The following C3orf70 variants were observed in gnomAD, a reference collection of about 807,000 sequenced individuals.
C3orf70 encodes chromosome 3 open reading frame 70.
Under a neutral mutation model 20.7 loss-of-function variants are expected in C3orf70, and 15 were observed. The observed-to-expected ratio is 0.72, with a 90% CI of 0.48 to 1.11. The LOEUF is 1.11. Among genes scored for constraint, C3orf70 ranks in the 50% most tolerant of loss-of-function variants. The pLI is 0.00. For missense variants in C3orf70, 332 were observed against 317.6 expected (o/e 1.05, Z -0.34); for synonymous variants, 161 against 125.7 (o/e 1.28, Z -1.88).
At chr3:185,123,353 T>C (rs1055619233) in intron 1 of C3orf70, among the ~76,000 whole-genome samples, 3 of 152,076 alleles carry the variant, frequency 2.0e-5, no homozygotes, top group East Asian at 1.9e-4. Context: ...AGGACATATG[T>C]AGTGGTGACC....
At chr3:185,112,655 GTTA>G (rs1716097599) in intron 1 of C3orf70, among the ~76,000 whole-genome samples, 1 of 152,110 alleles carries the variant, frequency 6.6e-6, no homozygotes, top group Admixed American at 6.5e-5. Context: ...AGGTATATAA[GTTA>G]TTTTTGTACT....
At chr3:185,091,951 ATATATATATATATTT>A (rs1561330986) in intron 1 of C3orf70, among the ~76,000 whole-genome samples, 368 of 9,456 alleles carry the variant, frequency 0.039, 19 homozygotes, top group East Asian at 0.13. Context: ...ATATATATAT[ATATATATATATATTT>A]TTTTTTTTTT....
intron 1 of C3orf70, among the ~76,000 whole-genome samples, chr3:185,112,456 AC>A (rs1444269460): frequency 6.6e-6 from 1 of 152,154 alleles, no homozygotes; most frequent in Non-Finnish European, 1.5e-5. Context: ...TAGACTTGAA[AC>A]ACTCTGCTTC....
chr3:185,152,813 G>T lies in C3orf70; in HGVS notation c.11C>A (p.Ala4Glu), dbSNP rs773680052. 3.2e-6 allele frequency: 5 copies of T among 1,559,588 alleles called. No homozygotes were observed. Among genetic ancestry groups the T allele is most frequent in the Admixed American group, 3.6e-5 (2 of 55,068 alleles). MSA[A>E]ASPASERGWK... The stretch of plus-strand genomic sequence containing the variant: ...ACCCCGCTCCGACGCCGGCGAGGCC[G>T]CCGCACTCATTTCCTCTCCCTCCGC... Residue 4 changes from alanine to glutamate, a missense_variant, in exon 1 of 2, where the codon GCG (alanine) becomes GAG (glutamate). Ala to Glu is a moderately radical substitution (Grantham distance 107). Coordinates refer to ENST00000335012, the MANE Select transcript of C3orf70 (RefSeq NM_001025266.3).
intron 1 of C3orf70, among the ~76,000 whole-genome samples, chr3:185,144,625 C>T (rs1203780187): frequency 1.3e-5 from 2 of 152,314 alleles, no homozygotes; most frequent in South Asian, 2.1e-4. Flanking sequence ...GCATGTACCA[C>T]CATGCCCAGC....
At chr3:185,147,984 T>C (rs1716910313) in intron 1 of C3orf70, among the ~76,000 whole-genome samples, 1 of 152,228 alleles carries the variant, frequency 6.6e-6, no homozygotes, top group African/African-American at 2.4e-5. Context: ...GCTTCTGCAA[T>C]ACCATATTTT....
intron 1 of C3orf70, among the ~76,000 whole-genome samples, chr3:185,113,285 C>CAAAAAAAAAAAAAAAAAAA (rs55966497): frequency 2.5e-4 from 35 of 138,482 alleles, no homozygotes; most frequent in African/African-American, 9.6e-4. Context: ...CTAAAAAATA[C>CAAAAAAAAAAAAAAAAAAA]AAAAAAGAAA....
At chr3:185,095,072 AC>A (rs1162128173) in intron 1 of C3orf70, among the ~76,000 whole-genome samples, 1 of 152,214 alleles carries the variant, frequency 6.6e-6, no homozygotes, top group African/African-American at 2.4e-5. Flanking sequence ...CTGCATGGGT[AC>A]CACTGCTTTT....
chr3:185,105,736 C>A (rs895486401), intron 1 of C3orf70, among the ~76,000 whole-genome samples: 6 of 152,116 alleles, frequency 3.9e-5, no homozygotes, highest in Admixed American at 1.3e-4. Flanking sequence ...CGTGGGGGCT[C>A]GAATCCAGGT....
At position 185,152,885 on chromosome 3, in the gene C3orf70, A is replaced by T. The variant is rs1280982731; in HGVS notation, c.-62T>A. The T allele has an allele frequency of 2.2e-6, 3 of 1,387,520 alleles. No homozygotes were observed. Among genetic ancestry groups the T allele is most frequent in the Non-Finnish European group, 1.9e-6 (2 of 1,062,222 alleles). 86.0% of individuals were successfully genotyped at this position (1,387,520 alleles called of 1,614,324 possible). On this transcript the variant is annotated 5_prime_UTR_variant, in exon 1 of 2. Coordinates refer to ENST00000335012, the MANE Select transcript of C3orf70 (RefSeq NM_001025266.3). ...CGGGAGAAGCGACGTCTGGGTGGGC[A>T]GGAAGCCGAGCCGGCTGCGGACGCG...
chr3:185,095,862 G>A (rs1208203812), intron 1 of C3orf70, among the ~76,000 whole-genome samples: 2 of 150,416 alleles, frequency 1.3e-5, no homozygotes, highest in African/African-American at 2.5e-5. Flanking sequence ...TCAGCCTCTC[G>A]AATAGCTGCG....
intron 1 of C3orf70, among the ~76,000 whole-genome samples, chr3:185,105,710 G>A (rs993114699): frequency 3.3e-5 from 5 of 152,264 alleles, no homozygotes; most frequent in African/African-American, 9.6e-5. Flanking sequence ...AGCTGGTCTC[G>A]GCAAATGGCA....
chr3:185,087,997 C>T (rs972068019), intron 1 of C3orf70, among the ~76,000 whole-genome samples: 11 of 151,776 alleles, frequency 7.2e-5, no homozygotes, highest in South Asian at 6.3e-4. Context: ...CCGCAACCTC[C>T]GCCTCCTGGG....
intron 1 of C3orf70, 97 bp downstream of exon 1, chr3:185,152,513 CAGCCCCGGCAGAGCCCGG>C: frequency 1.1e-6 from 1 of 876,252 alleles, no homozygotes; most frequent in East Asian, 3.5e-5. Context: ...TCCGGCAGAG[CAGCCCCGGCAGAGCCCGG>C]AGCCCCGCGG....
intron 1 of C3orf70, among the ~76,000 whole-genome samples, chr3:185,116,090 G>C (rs1336346745): frequency 1.3e-5 from 2 of 152,192 alleles, no homozygotes; most frequent in Non-Finnish European, 2.9e-5. Context: ...CTGAGGTGCA[G>C]AATTTGGAAG....
chr3:185,116,582 C>G (rs940729177), intron 1 of C3orf70, among the ~76,000 whole-genome samples: 1 of 152,106 alleles, frequency 6.6e-6, no homozygotes, highest in Non-Finnish European at 1.5e-5. Flanking sequence ...TTGTGACAAC[C>G]AAAAATGTTT....
intron 1 of C3orf70, among the ~76,000 whole-genome samples, chr3:185,107,234 T>C (rs1715963478): frequency 6.6e-6 from 1 of 152,154 alleles, no homozygotes; most frequent in Non-Finnish European, 1.5e-5. Context: ...CTGAAGTATA[T>C]CAAAGTAGTT....
intron 1 of C3orf70, among the ~76,000 whole-genome samples, chr3:185,091,428 T>G (rs1459143553): frequency 6.6e-6 from 1 of 152,080 alleles, no homozygotes; most frequent in Non-Finnish European, 1.5e-5. Context: ...GGCTACAGAT[T>G]ACTGAGGAAG....
At chr3:185,118,874 G>A (rs559023199) in intron 1 of C3orf70, among the ~76,000 whole-genome samples, 9 of 152,204 alleles carry the variant, frequency 5.9e-5, no homozygotes, top group African/African-American at 2.2e-4. Flanking sequence ...CCACTCTACC[G>A]TGTTACTCTA....
Sources: gnomAD v4.1 joint callset for allele counts (sites outside exome capture counted in the v4.1 genomes callset) on GRCh38, gnomAD v4.1.1 for gene constraint, MANE v1.5 for transcripts, NCBI Gene and HGNC (gene_info 2026-07-23, HGNC 2026-07-21) for gene names.